Variants in TBC1D1 observed in about 807,000 individuals in gnomAD.
TBC1D1 encodes the protein TBC1 domain family member 1, also known as TBC1 (tre-2/USP6, BUB2, cdc16) domain family, member 1.
A neutral mutation model predicts 125.6 loss-of-function variants in TBC1D1; 89 were observed. That is an observed-to-expected ratio of 0.71 (90% confidence interval 0.60 to 0.85). The LOEUF is 0.85. TBC1D1 is among the 40% of genes least tolerant of loss of function. The probability of loss-of-function intolerance (pLI) is 0.00; values close to 1 mark genes in which losing one functional copy is unlikely to be tolerated. For synonymous variants in TBC1D1, 565 were observed against 564.1 expected (o/e 1.00, Z -0.02); for missense variants, 1,377 against 1,469.2 (o/e 0.94, Z 1.03).
At chr4:37,986,515 G>A (rs1300957624) in intron 2 of TBC1D1, among the ~76,000 whole-genome samples, 9 of 152,036 alleles carry the variant, frequency 5.9e-5, no homozygotes, top group Non-Finnish European at 1.0e-4. Flanking sequence ...GCGCGATCTC[G>A]GCTCACTGCA....
At chr4:38,104,724 G>A (rs1048685189) in intron 15 of TBC1D1, among the ~76,000 whole-genome samples, 1 of 151,520 alleles carries the variant, frequency 6.6e-6, no homozygotes. Context: ...TAGCCTTAAA[G>A]GTTAATTTCA....
chr4:38,091,015 G>C (rs1011558423), intron 13 of TBC1D1, among the ~76,000 whole-genome samples: 2 of 152,216 alleles, frequency 1.3e-5, no homozygotes, highest in African/African-American at 4.8e-5. Context: ...AGAATGTGTT[G>C]CATCTGTGAG....
chr4:38,056,555 G>C (rs1360435471), intron 12 of TBC1D1, among the ~76,000 whole-genome samples: 2 of 152,168 alleles, frequency 1.3e-5, no homozygotes, highest in Non-Finnish European at 2.9e-5. Flanking sequence ...ATGCCTGTAA[G>C]CTCAGTGCTT....
Position 38,137,280 on chromosome 4 carries a change from C to A in TBC1D1, c.3452C>A (p.Ala1151Glu). ...GTGGAGGAGCTGCGGCGGCGGAGCG[C>A]AGAGCCCAGCGACCGGGAGCCTGAG... The change falls in exon 20 of 20, where the codon GCA becomes GAA. Residue 1151 changes from alanine to glutamate, a missense_variant. Transcript: ENST00000261439. 2 of 1,611,660 alleles carry A rather than the reference C, an allele frequency of 1.2e-6. No homozygotes were observed. The highest frequency in any genetic ancestry group is 1.7e-6 in the Non-Finnish European group (2 of 1,179,944).
intron 2 of TBC1D1, among the ~76,000 whole-genome samples, chr4:37,935,627 A>G (rs545240430): frequency 6.6e-6 from 1 of 152,062 alleles, no homozygotes; most frequent in Non-Finnish European, 1.5e-5. Flanking sequence ...CTCCCTCTCC[A>G]ATTCACTCCA....
chr4:38,052,728 G>GCGCGCGCGCACACA (rs1491148206), intron 11 of TBC1D1, among the ~76,000 whole-genome samples: 3 of 118,276 alleles, frequency 2.5e-5, no homozygotes, highest in African/African-American at 1.0e-4. Flanking sequence ...GCGCGCGCGC[G>GCGCGCGCGCACACA]CACACACACA....
At chr4:38,089,886 T>A in intron 12 of TBC1D1, 46 bp from the exon 15 acceptor site, 3 of 1,523,694 alleles carry the variant, frequency 2.0e-6, no homozygotes, top group South Asian at 2.6e-5. Flanking sequence ...GAATGTGCAT[T>A]TTTTGTTGAA....
At chr4:38,025,535 G>A (rs906379423) in intron 6 of TBC1D1, among the ~76,000 whole-genome samples, 45 of 152,366 alleles carry the variant, frequency 3.0e-4, no homozygotes, top group African/African-American at 9.6e-4. Context: ...CACAGCTGCC[G>A]AAGCGAAGAA....
At chr4:38,110,768 C>G (rs1385084721) in intron 15 of TBC1D1, 2 of 985,432 alleles carry the variant, frequency 2.0e-6, no homozygotes, top group Non-Finnish European at 2.4e-6. Flanking sequence ...AGAGGCAGGC[C>G]TCATATCCTG....
chr4:37,970,036 A>T (rs181256598), intron 2 of TBC1D1, among the ~76,000 whole-genome samples: 1 of 152,238 alleles, frequency 6.6e-6, no homozygotes, highest in Non-Finnish European at 1.5e-5. Flanking sequence ...TTCAATTGGC[A>T]TAGTGCTTTC....
In TBC1D1 at chr4:38,052,072, C is replaced by T; in HGVS notation, c.1911-2127C>T. ...GCTGTGCCAAAGAGGTGAGCACACT[C>T]ACGTGGCAAGTTTGGTGTTGTCTGT... is the stretch of plus-strand genomic sequence containing the variant. On this transcript the variant is annotated intron_variant, in intron 11 of 19. Coordinates refer to ENST00000261439, the MANE Select transcript of TBC1D1 (RefSeq NM_015173.4). 6.4e-7 allele frequency: 1 copy of T among 1,550,864 alleles called. No homozygotes were observed. The highest frequency in any genetic ancestry group is 8.7e-7 in the Non-Finnish European group (1 of 1,146,936).
rs1751264266 is a variant in TBC1D1, at chr4:38,054,258, G to A, written c.1970G>A (p.Arg657Gln). Residue 657 changes from arginine to glutamine, a missense_variant, in exon 12 of 20, where the codon CGG becomes CAG. Coordinates refer to ENST00000261439, the MANE Select transcript of TBC1D1 (RefSeq NM_015173.4). ...TCTGGTGGGACTCCTGTGAAGACCC[G>A]GAGGCATTCCTGGAGGCAGCAGATA... is the stretch of plus-strand genomic sequence containing the variant. 10 of 1,614,008 alleles carry A rather than the reference G, an allele frequency of 6.2e-6. No individual in the cohort carries two copies. The highest frequency in any genetic ancestry group is 1.3e-5 in the African/African-American group (1 of 74,886).
In TBC1D1 at chr4:38,064,626, C is replaced by CTT. The variant is rs71190945; in HGVS notation, c.2050+10304_2050+10305dup. On this transcript the variant is annotated intron_variant, in intron 12 of 19. Transcript: ENST00000261439. The stretch of plus-strand genomic sequence containing the variant: ...GTAGCATTCACACAGAGCTACATTT[C>CTT]TTTTTTTTTTTTTTTTTGAGACAAT... 9.5e-4 allele frequency among the ~76,000 whole-genome samples: 132 copies of CTT among 138,248 alleles called. 1 individual carries two copies. Among genetic ancestry groups the CTT allele is most frequent in the East Asian group, 3.4e-3 (16 of 4,694 alleles). 90.7% of individuals were successfully genotyped at this position (138,248 alleles called of 152,430 possible). A position where few individuals can be genotyped will look rare whatever the true frequency, so the allele number is the denominator to read the frequency against.
At position 38,004,458 on chromosome 4, in the gene TBC1D1, A is replaced by G. The variant is rs149537811; in HGVS notation, c.418-10051A>G. ...CGTCACACATTTACCAAAATGCTTT[A>G]TTATTGAGCAGAGTGCCTGATGGAT... On this transcript the variant is annotated intron_variant, in intron 2 of 19. Transcript: ENST00000261439. 6.4e-3 allele frequency among the ~76,000 whole-genome samples: 971 copies of G among 152,330 alleles called. 13 individuals carry two copies. The highest frequency in any genetic ancestry group is 0.022 in the African/African-American group (917 of 41,578).
chr4:38,094,321 T>C (rs1560777020), intron 13 of TBC1D1, among the ~76,000 whole-genome samples: 1 of 152,162 alleles, frequency 6.6e-6, no homozygotes, highest in Non-Finnish European at 1.5e-5. Context: ...GCTCAGACAT[T>C]TGTGTTAAAT....
chr4:38,136,901 A>G (rs1766721320), intron 19 of TBC1D1, among the ~76,000 whole-genome samples: 1 of 152,112 alleles, frequency 6.6e-6, no homozygotes, highest in Admixed American at 6.5e-5. Flanking sequence ...CACAGCAGCC[A>G]TAGCAGGAGA....
In TBC1D1 at chr4:37,977,366, C is replaced by G. The variant is rs920885135; in HGVS notation, c.418-37143C>G. 2.9e-6 allele frequency: 1 copy of G among 341,296 alleles called. No individual in the cohort carries two copies. Among genetic ancestry groups the G allele is most frequent in the African/African-American group, 2.3e-5 (1 of 44,360 alleles). The allele number at this position is 341,296 out of a possible 1,614,324, so 21.1% of individuals were successfully genotyped here. The stretch of plus-strand genomic sequence containing the variant: ...CGAACTGGGTGGAGCCCGCCGCCGC[C>G]GCCGCCGCCGCCGGGGAGAGCGATG... On this transcript the variant is annotated intron_variant, in intron 2 of 19. Transcript: ENST00000261439. The surrounding 1 kb of genome is among the most constrained non-coding windows in gnomAD (Gnocchi z 4.3).
chr4:38,097,729 C>T (rs1251027608), intron 14 of TBC1D1, among the ~76,000 whole-genome samples: 2 of 151,786 alleles, frequency 1.3e-5, no homozygotes, highest in African/African-American at 2.4e-5. Flanking sequence ...CTGCCTGCCT[C>T]GGCCTCCCAA....
In TBC1D1 at chr4:38,014,660, C is replaced by A; in HGVS notation, c.569C>A (p.Pro190Gln). The A allele has an allele frequency of 6.2e-7, 1 of 1,613,242 alleles. No individual in the cohort carries two copies. The highest frequency in any genetic ancestry group is 8.5e-7 in the Non-Finnish European group (1 of 1,180,022). The change falls in exon 3 of 20, where the codon CCG becomes CAG. Residue 190 changes from proline (P) to glutamine (Q), a missense_variant. Pro to Gln is a moderately conservative substitution (Grantham distance 76). Around this residue, in one of 3 missense-constraint regions of TBC1D1, gnomAD observed 822 missense variants for 824.6 expected, o/e 1.00. Coordinates refer to ENST00000261439, the MANE Select transcript of TBC1D1 (RefSeq NM_015173.4). The surrounding 1 kb of genome is among the most constrained non-coding windows in gnomAD (Gnocchi z 5.1). Reference sequence around the variant, plus strand: ...ACGGTGGCGCACAAGAAGGCTCCGCCGGCCCTGATCGACGAGTGCATCGAG... The same window carrying A: ...ACGGTGGCGCACAAGAAGGCTCCGCAGGCCCTGATCGACGAGTGCATCGAG...
Sources: gnomAD v4.1 joint callset for allele counts (sites outside exome capture counted in the v4.1 genomes callset) on GRCh38, gnomAD v4.1.1 for gene constraint, gnomAD v4.1.1 regional missense constraint, Gnocchi (gnomAD v3.1) non-coding constraint, MANE v1.5 for transcripts, NCBI Gene and HGNC (gene_info 2026-07-23, HGNC 2026-07-21) for gene names.